The following EPHA3 variants were observed in gnomAD, a reference collection of about 807,000 sequenced individuals.
EPHA3 encodes the protein ephrin type-A receptor 3.
EPHA3 carries 42 observed loss-of-function variants against 107.1 expected under a neutral mutation model. The ratio of observed to expected loss-of-function variants is 0.39; its 90% CI spans 0.31 to 0.51. EPHA3 has a LOEUF of 0.51. Among genes scored for constraint, EPHA3 ranks in the 20% least tolerant of loss-of-function variants. The pLI, the probability that EPHA3 is intolerant of heterozygous loss-of-function variation, is 0.78. For missense variants in EPHA3, 1,183 were observed against 1,211.2 expected (o/e 0.98, Z 0.35); for synonymous variants, 461 against 424.8 (o/e 1.09, Z -1.05).
intron 5 of EPHA3, among the ~76,000 whole-genome samples, chr3:89,372,252 C>G (rs1407268648): frequency 4.6e-5 from 7 of 151,558 alleles, no homozygotes; most frequent in Admixed American, 4.6e-4. Context: ...TAGGACAACT[C>G]ATAGCTTCAC....
intron 3 of EPHA3, among the ~76,000 whole-genome samples, chr3:89,297,163 AT>A (rs1706373481): frequency 6.6e-6 from 1 of 152,192 alleles, no homozygotes; most frequent in Admixed American, 6.5e-5. Flanking sequence ...TGTTCAATAG[AT>A]TAGTACCTTC....
intron 1 of EPHA3, among the ~76,000 whole-genome samples, chr3:89,108,363 T>C (rs1346114328): frequency 3.3e-5 from 5 of 152,168 alleles, no homozygotes; most frequent in Non-Finnish European, 5.9e-5. Flanking sequence ...AAGGGCTGTG[T>C]TGAAGTTGTG....
chr3:89,235,793 A>G (rs934964703), intron 3 of EPHA3, among the ~76,000 whole-genome samples: 2 of 151,864 alleles, frequency 1.3e-5, no homozygotes, highest in Non-Finnish European at 2.9e-5. Context: ...CAGTTTACAT[A>G]TTTTATACAT....
chr3:89,207,881 A>T (rs1706144221), intron 2 of EPHA3, among the ~76,000 whole-genome samples: 1 of 152,190 alleles, frequency 6.6e-6, no homozygotes, highest in Non-Finnish European at 1.5e-5. Flanking sequence ...TACAGTGAAT[A>T]TGAAGAGACC....
At chr3:89,315,374 G>A (rs1259559980) in intron 3 of EPHA3, among the ~76,000 whole-genome samples, 6 of 151,754 alleles carry the variant, frequency 4.0e-5, no homozygotes, top group East Asian at 3.9e-4. Context: ...GTGATGAGAC[G>A]TGGTGTAAGT....
Position 89,436,071 on chromosome 3 carries a change from G to T in EPHA3, c.2346+4712G>T, listed in dbSNP as rs1029490723. On this transcript the variant is annotated intron_variant, in intron 13 of 16. Coordinates refer to ENST00000336596, the MANE Select transcript of EPHA3 (RefSeq NM_005233.6). ...TGGAAAGATCACTTGAGTCCAGGAG[G>T]TTGAAGCTGCAGTGAGCTAAAGCCT... is the stretch of plus-strand genomic sequence containing the variant. Among the ~76,000 whole-genome samples, 7 of 151,834 alleles carry T rather than the reference G, an allele frequency of 4.6e-5. 1 individual carries two copies. The highest frequency in any genetic ancestry group is 3.9e-4 in the East Asian group (2 of 5,188).
At chr3:89,287,609 C>T (rs1353314300) in intron 3 of EPHA3, among the ~76,000 whole-genome samples, 1 of 152,028 alleles carries the variant, frequency 6.6e-6, no homozygotes, top group Non-Finnish European at 1.5e-5. Flanking sequence ...AATTAAACCT[C>T]CCACCAAAAT....
intron 3 of EPHA3, among the ~76,000 whole-genome samples, chr3:89,316,505 A>ATATAT (rs1553681524): frequency 4.8e-5 from 5 of 104,130 alleles, no homozygotes; most frequent in African/African-American, 7.0e-5. Flanking sequence ...GTGTGTGTGT[A>ATATAT]ATATATATAT....
intron 3 of EPHA3, among the ~76,000 whole-genome samples, chr3:89,304,812 A>G (rs969593135): frequency 6.6e-6 from 1 of 152,162 alleles, no homozygotes; most frequent in Non-Finnish European, 1.5e-5. Context: ...ACTACAACAT[A>G]AACTCCAAAA....
chr3:89,315,613 T>A (rs1490633765), intron 3 of EPHA3, among the ~76,000 whole-genome samples: 1 of 149,496 alleles, frequency 6.7e-6, no homozygotes, highest in Non-Finnish European at 1.5e-5. Context: ...AATTTCCTTT[T>A]TAATAAAAAA....
At chr3:89,380,771 CTTTT>C (rs11294288) in intron 5 of EPHA3, among the ~76,000 whole-genome samples, 3 of 135,540 alleles carry the variant, frequency 2.2e-5, no homozygotes, top group African/African-American at 2.7e-5. Context: ...TAGGTAGTAG[CTTTT>C]TTTTTTTTTT....
At chr3:89,330,215 T>A (rs1707255807) in intron 3 of EPHA3, among the ~76,000 whole-genome samples, 1 of 151,980 alleles carries the variant, frequency 6.6e-6, no homozygotes, top group African/African-American at 2.4e-5. Context: ...GAACAAATAC[T>A]TACCATAAAC....
chr3:89,130,299 C>T (rs1209977211), intron 2 of EPHA3, among the ~76,000 whole-genome samples: 2 of 152,118 alleles, frequency 1.3e-5, no homozygotes, highest in Non-Finnish European at 2.9e-5. Context: ...CAGGAAATGT[C>T]CATAACTAAG....
Position 89,341,751 on chromosome 3 carries a change from G to T in EPHA3, c.971-4G>T. The T allele has an allele frequency of 6.2e-7, 1 of 1,601,270 alleles. No individual in the cohort carries two copies. Among genetic ancestry groups the T allele is most frequent in the Non-Finnish European group, 8.5e-7 (1 of 1,173,216 alleles). On this transcript the variant is annotated splice_region_variant and splice_polypyrimidine_tract_variant and intron_variant, in intron 4 of 16. Transcript: ENST00000336596. ...TCATTAATCTTTGTTGAACTACTTT[G>T]CAGGACCTCCATCTTCACCAAGAAA...
At position 89,354,271 on chromosome 3, in the gene EPHA3, A is replaced by G. The variant is rs543228510; in HGVS notation, c.1306+12181A>G. Among the ~76,000 whole-genome samples, 8 of 151,430 alleles carry G rather than the reference A, an allele frequency of 5.3e-5. No individual in the cohort carries two copies. In the South Asian group the frequency reaches 1.5e-3, roughly 28 times the overall value. Reference sequence around the variant, plus strand: ...TCGTATGTGAGTAATTGAGAAATTTAATAAATGCAAGTATTTAGAAAGAAA... The same window carrying G: ...TCGTATGTGAGTAATTGAGAAATTTGATAAATGCAAGTATTTAGAAAGAAA... On this transcript the variant is annotated intron_variant, in intron 5 of 16. Transcript: ENST00000336596.
At chr3:89,182,487 G>A (rs1016001933) in intron 2 of EPHA3, among the ~76,000 whole-genome samples, 12 of 151,896 alleles carry the variant, frequency 7.9e-5, no homozygotes, top group South Asian at 6.2e-4. Flanking sequence ...TTGATTTTCC[G>A]TATAGTACAC....
intron 7 of EPHA3, among the ~76,000 whole-genome samples, chr3:89,402,799 G>T (rs770836750): frequency 6.6e-6 from 1 of 152,040 alleles, no homozygotes; most frequent in Non-Finnish European, 1.5e-5. Context: ...GGGTTCAAGC[G>T]ATTCTATAGC....
chr3:89,435,966 ATAAT>A (rs146399331), intron 13 of EPHA3, among the ~76,000 whole-genome samples: 1 of 150,506 alleles, frequency 6.6e-6, no homozygotes, highest in East Asian at 2.0e-4. Flanking sequence ...AATAATAATA[ATAAT>A]TAATTAATAA....
chr3:89,234,410 A>G (rs1704704114), intron 3 of EPHA3, among the ~76,000 whole-genome samples: 1 of 152,176 alleles, frequency 6.6e-6, no homozygotes, highest in African/African-American at 2.4e-5. Context: ...TTTGAACTAC[A>G]CAGTCATGTA....
Sources: allele counts gnomAD v4.1 joint callset (sites outside exome capture counted in the v4.1 genomes callset), GRCh38; gene constraint gnomAD v4.1.1; transcripts MANE v1.5; gene names NCBI Gene and HGNC (gene_info 2026-07-23, HGNC 2026-07-21).